The following SNRPN variants were observed in gnomAD, a reference collection of about 807,000 sequenced individuals.
The protein encoded by SNRPN is small nuclear ribonucleoprotein-associated protein N.
Under a neutral mutation model 25.2 loss-of-function variants are expected in SNRPN, and 7 were observed. The ratio of observed to expected loss-of-function variants is 0.28; its 90% confidence interval spans 0.16 to 0.52. The LOEUF (loss-of-function observed/expected upper bound fraction) is 0.52, where lower values mean the gene tolerates loss of function less well. SNRPN is among the 20% of genes least tolerant of loss of function. The pLI, the probability that SNRPN is intolerant of heterozygous loss-of-function variation, is 0.96. For missense variants in SNRPN, 196 were observed against 322.5 expected, an observed-to-expected ratio of 0.61 and a Z score of 3.00; for synonymous variants, 124 against 110.6, an observed-to-expected ratio of 1.12 and a Z score of -0.76.
intron 2 of SNRPN, among the ~76,000 whole-genome samples, chr15:24,835,044 CTA>C (rs1231426114): frequency 5.0e-5 from 2 of 40,386 alleles, no homozygotes; most frequent in South Asian, 6.9e-4. Context: ...GTATATATAT[CTA>C]TATATAAAAA....
At chr15:24,937,568 A>C (rs983415675) in intron 3 of SNRPN, among the ~76,000 whole-genome samples, 2 of 152,172 alleles carry the variant, frequency 1.3e-5, no homozygotes, top group East Asian at 1.9e-4. Flanking sequence ...CTTGCTTTTC[A>C]TGTGAATCTA....
At chr15:24,830,147 T>C (rs55918964) in intron 2 of SNRPN, among the ~76,000 whole-genome samples, 22,193 of 152,140 alleles carry the variant, frequency 0.15, 1,899 homozygotes, top group East Asian at 0.3. Flanking sequence ...CACGTAACCA[T>C]GCCTTGTATA....
chr15:24,843,411 G>C (rs1004168800), intron 2 of SNRPN, among the ~76,000 whole-genome samples: 4 of 152,150 alleles, frequency 2.6e-5, no homozygotes, highest in African/African-American at 9.7e-5. Context: ...ACTTTGGGAG[G>C]CCAAGATGGG....
chr15:24,825,421 T>C (rs1176099782), intron 1 of SNRPN, among the ~76,000 whole-genome samples: 5 of 152,018 alleles, frequency 3.3e-5, no homozygotes, highest in Non-Finnish European at 7.4e-5. Flanking sequence ...ATAGAGGAGA[T>C]AAGATTTACT....
At chr15:24,880,499 T>C (rs1252365387) in intron 1 of SNRPN, among the ~76,000 whole-genome samples, 1 of 152,148 alleles carries the variant, frequency 6.6e-6, no homozygotes, top group Non-Finnish European at 1.5e-5. Context: ...AGTCCAGTGT[T>C]ATTCCTTCAT....
rs1273920079 is a variant in SNRPN, at chr15:24,974,255, G to A, written c.-143-56G>A. On this transcript the variant is annotated intron_variant, in intron 3 of 9. Coordinates refer to ENST00000390687, the MANE Select transcript of SNRPN (RefSeq NM_003097.6). ...TAGTGATTTTCATGCAAAATTGTCTGCCTGTTTTAAAACATGGTAGATTGC... is the reference window on the plus strand; with the variant it reads ...TAGTGATTTTCATGCAAAATTGTCTACCTGTTTTAAAACATGGTAGATTGC... 1.7e-5 allele frequency: 10 copies of A among 595,630 alleles called. No individual in the cohort carries two copies. The East Asian group carries it at 2.9e-4, about 17-fold the overall frequency. The allele number at this position is 595,630 out of a possible 1,614,324, so 36.9% of individuals were successfully genotyped here. A position where few individuals can be genotyped will look rare whatever the true frequency, so the allele number is the denominator to read the frequency against.
intron 1 of SNRPN, among the ~76,000 whole-genome samples, chr15:24,878,960 A>G (rs1477214181): frequency 2.0e-5 from 3 of 152,070 alleles, no homozygotes; most frequent in African/African-American, 7.2e-5. Flanking sequence ...GAGTTTTAGT[A>G]TCTCCTTATA....
chr15:24,958,554 T>G (rs2074257056), intron 1 of SNRPN, among the ~76,000 whole-genome samples: 1 of 137,404 alleles, frequency 7.3e-6, no homozygotes, highest in South Asian at 2.6e-4. Flanking sequence ...TTGTCCAGGC[T>G]GAACTCGAAC....
intron 3 of SNRPN, chr15:24,920,334 T>C (rs2059954427): frequency 6.6e-6 from 1 of 152,206 alleles, no homozygotes; most frequent in Non-Finnish European, 1.5e-5. Flanking sequence ...GATACAGTGT[T>C]TGCTTTTCTC....
chr15:24,897,968 G>A (rs2151200397), intron 2 of SNRPN, among the ~76,000 whole-genome samples: 1 of 152,152 alleles, frequency 6.6e-6, no homozygotes, highest in South Asian at 2.1e-4. Context: ...AATAAAAAAA[G>A]TTGCTAAATA....
intron 2 of SNRPN, among the ~76,000 whole-genome samples, chr15:24,842,527 A>C (rs2051796973): frequency 6.6e-6 from 1 of 152,208 alleles, no homozygotes; most frequent in East Asian, 1.9e-4. Context: ...CACACAGCTG[A>C]GGAAGCCCAA....
chr15:24,841,771 G>A (rs1736337323), intron 2 of SNRPN, among the ~76,000 whole-genome samples: 1 of 152,098 alleles, frequency 6.6e-6, no homozygotes, highest in Non-Finnish European at 1.5e-5. Context: ...CATCTTCTGG[G>A]CTGACATTGT....
At chr15:24,953,475 C>T (rs1190890088), upstream of SNRPN, among the ~76,000 whole-genome samples, 1 of 152,124 alleles carries the variant, frequency 6.6e-6, no homozygotes, top group African/African-American at 2.4e-5. Flanking sequence ...AGGCATGTGC[C>T]ATCACGCCCA....
chr15:24,951,276 A>T (rs1441145160), upstream of SNRPN, among the ~76,000 whole-genome samples: 2 of 152,102 alleles, frequency 1.3e-5, no homozygotes, highest in African/African-American at 4.8e-5. Context: ...GCTGTTTCAC[A>T]TCCCAATCAG....
chr15:24,922,936 C>T (rs937846276), intron 3 of SNRPN, among the ~76,000 whole-genome samples: 4 of 111,656 alleles, frequency 3.6e-5, no homozygotes, highest in Non-Finnish European at 5.0e-5. Flanking sequence ...GAGTCTCGCT[C>T]TATTGCTCAA....
chr15:24,911,424 C>G (rs2059207124), intron 2 of SNRPN, among the ~76,000 whole-genome samples: 1 of 152,106 alleles, frequency 6.6e-6, no homozygotes, highest in South Asian at 2.1e-4. Flanking sequence ...GAGGGAATAA[C>G]AATTTTAAGG....
At chr15:24,923,841 C>G (rs1033305723) in intron 3 of SNRPN, among the ~76,000 whole-genome samples, 1 of 148,432 alleles carries the variant, frequency 6.7e-6, no homozygotes, top group African/African-American at 2.5e-5. Context: ...CTGGAGTTCA[C>G]TGTGATAAAT....
At chr15:24,946,015 T>A (rs558332914) in intron 3 of SNRPN, among the ~76,000 whole-genome samples, 2 of 152,308 alleles carry the variant, frequency 1.3e-5, no homozygotes, top group South Asian at 4.1e-4. Flanking sequence ...GTGTCCTGTT[T>A]TGTGTTTTTA....
chr15:24,824,129 C>G (rs1417328029), intron 1 of SNRPN, among the ~76,000 whole-genome samples: 1 of 151,968 alleles, frequency 6.6e-6, no homozygotes, highest in Non-Finnish European at 1.5e-5. Flanking sequence ...CTATGAAATA[C>G]GACTGGTTGA....
Sources: allele counts gnomAD v4.1 joint callset (sites outside exome capture counted in the v4.1 genomes callset), GRCh38; gene constraint gnomAD v4.1.1; transcripts MANE v1.5; gene names NCBI Gene and HGNC (gene_info 2026-07-23, HGNC 2026-07-21).